DPYD: variants seen among roughly 807,000 people sequenced by gnomAD.
DPYD encodes the protein dihydropyrimidine dehydrogenase.
A neutral mutation model predicts 116.2 loss-of-function variants in DPYD; 109 were observed. The observed-to-expected ratio is 0.94, with a 90% CI of 0.80 to 1.10. The LOEUF is 1.10. Ranked by LOEUF, DPYD falls within the 50% of genes least tolerant of loss-of-function variation. The pLI, the probability that DPYD is intolerant of heterozygous loss-of-function variation, is 0.00. For missense variants in DPYD, 1,302 were observed against 1,254.5 expected (o/e 1.04, Z -0.57); for synonymous variants, 440 against 432.0 (o/e 1.02, Z -0.23).
At chr1:97,802,569 C>T (rs1236461088) in intron 3 of DPYD, among the ~76,000 whole-genome samples, 1 of 151,746 alleles carries the variant, frequency 6.6e-6, no homozygotes, top group Non-Finnish European at 1.5e-5. Context: ...CAGATCTATC[C>T]CTCAGATATT....
chr1:97,784,664 C>T (rs1666927000), intron 3 of DPYD, among the ~76,000 whole-genome samples: 1 of 152,158 alleles, frequency 6.6e-6, no homozygotes, highest in African/African-American at 2.4e-5. Flanking sequence ...TTCAAATCTA[C>T]CTACCTCTCT....
At chr1:97,720,956 T>C in intron 5 of DPYD, 1 of 1,601,980 alleles carries the variant, frequency 6.2e-7, no homozygotes, top group Non-Finnish European at 8.5e-7. Flanking sequence ...AAAAGTGCTC[T>C]CATTTTATTT....
chr1:97,585,580 T>A (rs1425760397), intron 10 of DPYD, among the ~76,000 whole-genome samples: 2 of 152,202 alleles, frequency 1.3e-5, no homozygotes, highest in African/African-American at 2.4e-5. Context: ...TAAAATTTTT[T>A]AAAAAATCAC....
chr1:97,690,397 T>G (rs1433952965), intron 7 of DPYD, among the ~76,000 whole-genome samples: 1 of 151,980 alleles, frequency 6.6e-6, no homozygotes, highest in Non-Finnish European at 1.5e-5. Context: ...CAATTTTATA[T>G]AAGATAAATG....
At chr1:97,575,062 A>G (rs979716147) in intron 10 of DPYD, among the ~76,000 whole-genome samples, 3 of 152,200 alleles carry the variant, frequency 2.0e-5, no homozygotes, top group African/African-American at 7.2e-5. Context: ...TGGAAGGCTA[A>G]TTAAACCAGA....
At chr1:97,548,754 A>T (rs190744075) in intron 12 of DPYD, among the ~76,000 whole-genome samples, 47 of 152,218 alleles carry the variant, frequency 3.1e-4, no homozygotes, top group East Asian at 1.2e-3. Context: ...TAAAAAAATT[A>T]AATTTAATTT....
At chr1:97,871,332 C>T (rs1476437608) in intron 2 of DPYD, among the ~76,000 whole-genome samples, 4 of 151,748 alleles carry the variant, frequency 2.6e-5, no homozygotes, top group African/African-American at 2.4e-5. Context: ...TGGACTAATA[C>T]GTAGTCTATA....
At chr1:97,900,922 ATG>A (rs1673336922) in intron 1 of DPYD, among the ~76,000 whole-genome samples, 1 of 151,846 alleles carries the variant, frequency 6.6e-6, no homozygotes, top group African/African-American at 2.4e-5. Context: ...TGATTTCTGG[ATG>A]TGTTCTCAGT....
At chr1:97,805,097 G>C (rs995454565) in intron 3 of DPYD, among the ~76,000 whole-genome samples, 2 of 151,938 alleles carry the variant, frequency 1.3e-5, no homozygotes, top group African/African-American at 4.8e-5. Context: ...CCCACTGACA[G>C]AGCCAGATGC....
intron 14 of DPYD, among the ~76,000 whole-genome samples, chr1:97,414,520 T>C (rs868822161): frequency 7.9e-5 from 12 of 152,352 alleles, no homozygotes; most frequent in Middle Eastern, 6.8e-3. Context: ...TTTTCTGATG[T>C]GCATCAGAGG....
At chr1:97,591,017 C>G (rs1158244505) in intron 10 of DPYD, among the ~76,000 whole-genome samples, 3 of 152,204 alleles carry the variant, frequency 2.0e-5, no homozygotes, top group African/African-American at 7.2e-5. Context: ...TCTGTCCTCT[C>G]TTACTCTATT....
chr1:97,701,351 T>C (rs1661588825), intron 5 of DPYD, among the ~76,000 whole-genome samples: 2 of 151,382 alleles, frequency 1.3e-5, no homozygotes, highest in Admixed American at 6.6e-5. Context: ...TAAAGCAAAA[T>C]TGATAGAACT....
At chr1:97,428,966 T>C (rs1675025119) in intron 14 of DPYD, among the ~76,000 whole-genome samples, 1 of 152,076 alleles carries the variant, frequency 6.6e-6, no homozygotes, top group African/African-American at 2.4e-5. Flanking sequence ...TAAAAAGTTT[T>C]ATAAGGATTC....
At chr1:97,366,991 T>A (rs1671073124) in intron 16 of DPYD, among the ~76,000 whole-genome samples, 1 of 152,128 alleles carries the variant, frequency 6.6e-6, no homozygotes, top group Non-Finnish European at 1.5e-5. Context: ...TATTGTCTCC[T>A]CCACAGACAT....
chr1:97,859,193 A>G (rs115617588), intron 2 of DPYD, among the ~76,000 whole-genome samples: 2,382 of 152,254 alleles, frequency 0.016, 67 homozygotes, highest in African/African-American at 0.055. Flanking sequence ...TTTTAAATAT[A>G]AAATATGTAA....
chr1:97,142,755 C>A (rs1654323091), intron 20 of DPYD, among the ~76,000 whole-genome samples: 1 of 151,974 alleles, frequency 6.6e-6, no homozygotes, highest in South Asian at 2.1e-4. Context: ...GCTCTTTATG[C>A]CCTTCCTGAC....
chr1:97,752,084 A>C (rs1334744578), intron 3 of DPYD, among the ~76,000 whole-genome samples: 3 of 152,028 alleles, frequency 2.0e-5, no homozygotes, highest in African/African-American at 7.2e-5. Flanking sequence ...TTGTGTGTGT[A>C]GTTTTTTTCT....
chr1:97,491,159 T>C (rs1046930549), intron 13 of DPYD, among the ~76,000 whole-genome samples: 5 of 147,698 alleles, frequency 3.4e-5, no homozygotes, highest in Admixed American at 1.4e-4. Context: ...TACTACATAA[T>C]AAAATATACA....
chr1:97,418,298 A>G (rs540412506), intron 14 of DPYD, among the ~76,000 whole-genome samples: 1 of 142,794 alleles, frequency 7.0e-6, no homozygotes, highest in Non-Finnish European at 1.5e-5. Context: ...TGAGATAGAT[A>G]TAAGATGATT....
Sources: gnomAD v4.1 joint callset for allele counts (sites outside exome capture counted in the v4.1 genomes callset) on GRCh38, gnomAD v4.1.1 for gene constraint, MANE v1.5 for transcripts, NCBI Gene and HGNC (gene_info 2026-07-23, HGNC 2026-07-21) for gene names.